TIAM2: variants seen among roughly 807,000 people sequenced by gnomAD.
TIAM2 encodes the protein TIAM Rac1 associated GEF 2.
A neutral mutation model predicts 152.9 loss-of-function variants in TIAM2; 80 were observed. That is an observed-to-expected ratio of 0.52 (90% confidence interval 0.44 to 0.63). The LOEUF (loss-of-function observed/expected upper bound fraction) is 0.63. Among genes scored for constraint, TIAM2 ranks in the 30% least tolerant of loss-of-function variants. The pLI, the probability that TIAM2 is intolerant of heterozygous loss-of-function variation, is 0.00. For synonymous variants in TIAM2, 804 were observed against 838.0 expected, an observed-to-expected ratio of 0.96 and a Z score of 0.70; for missense variants, 1,965 against 2,120.1, an observed-to-expected ratio of 0.93 and a Z score of 1.44.
intron 2 of TIAM2, among the ~76,000 whole-genome samples, chr6:155,116,601 T>C (rs1302265991): frequency 6.6e-6 from 1 of 152,176 alleles, no homozygotes; most frequent in Admixed American, 6.5e-5. Flanking sequence ...TTACAGAATG[T>C]GATTGGGGTT....
At chr6:155,167,400 T>G (rs1176933434) in intron 9 of TIAM2, among the ~76,000 whole-genome samples, 1 of 152,100 alleles carries the variant, frequency 6.6e-6, no homozygotes, top group East Asian at 1.9e-4. Context: ...TTTTATATTT[T>G]TAGTAGAGAC....
intron 1 of TIAM2, among the ~76,000 whole-genome samples, chr6:155,031,748 A>G (rs1408023497): frequency 6.6e-6 from 1 of 152,136 alleles, no homozygotes; most frequent in African/African-American, 2.4e-5. Flanking sequence ...AAATTGCAGA[A>G]CTTATATTTA....
intron 3 of TIAM2, 88 bp downstream of exon 3, chr6:155,127,688 C>T (rs1483785805): frequency 5.8e-5 from 25 of 430,022 alleles, no homozygotes; most frequent in African/African-American, 8.2e-5. Flanking sequence ...TTTGGGCTAG[C>T]GATTTTGGTT....
At chr6:155,010,043 G>C (rs1281714775) in intron 1 of TIAM2, among the ~76,000 whole-genome samples, 2 of 151,954 alleles carry the variant, frequency 1.3e-5, no homozygotes, top group African/African-American at 4.8e-5. Context: ...AGTAGAGATG[G>C]GGTTTTGGTC....
rs574110903 is a variant in TIAM2, at chr6:155,026,645, G to C, written c.-209+31153G>C. 3.7e-3 allele frequency among the ~76,000 whole-genome samples: 560 copies of C among 152,356 alleles called. 1 individual carries two copies. Among genetic ancestry groups the C allele is most frequent in the African/African-American group, 0.013 (525 of 41,586 alleles). Reference sequence around the variant, plus strand: ...TCATCCATGACTCACATGGCAGCCTGGGTGGCCCCTTGGCCCTGGTGCCAG... The same window carrying C: ...TCATCCATGACTCACATGGCAGCCTCGGTGGCCCCTTGGCCCTGGTGCCAG... On this transcript the variant is annotated intron_variant, in intron 1 of 26. Coordinates refer to ENST00000682666, the MANE Select transcript of TIAM2 (RefSeq NM_012454.4).
Position 155,245,714 on chromosome 6 carries a change from A to G in TIAM2, c.3635A>G (p.Gln1212Arg). 6.2e-7 allele frequency: 1 copy of G among 1,602,204 alleles called. No individual in the cohort carries two copies. The highest frequency in any genetic ancestry group is 8.5e-7 in the Non-Finnish European group (1 of 1,172,132). ...TTCTGTGCTAACCATATCAAAGTAC[A>G]GAAGGTTCTGGAGCGAGGTAAGTTG... ...SGFCANHIKV[Q>R]KVLERAKTDK... The change falls in exon 19 of 27, where the codon CAG becomes CGG. Residue 1212 changes from glutamine (Q) to arginine (R), a missense_variant. Physicochemically the swap from Gln to Arg is conservative, Grantham distance 43 (BLOSUM62 1). Around this residue, in one of 3 missense-constraint regions of TIAM2, gnomAD observed 935 missense variants for 980.0 expected, o/e 0.95. Transcript: ENST00000682666.
intron 2 of TIAM2, among the ~76,000 whole-genome samples, chr6:155,107,118 G>A (rs796582796): frequency 2.6e-5 from 4 of 151,902 alleles, no homozygotes; most frequent in African/African-American, 7.2e-5. Context: ...TCTTATTAAC[G>A]AACAGACCCC....
At chr6:155,039,171 G>T (rs888565205) in intron 1 of TIAM2, among the ~76,000 whole-genome samples, 2 of 151,574 alleles carry the variant, frequency 1.3e-5, no homozygotes, top group Non-Finnish European at 2.9e-5. Flanking sequence ...ATGTTGTCAA[G>T]GCTGGTCTTG....
At chr6:155,117,617 A>G (rs1779045996) in intron 2 of TIAM2, among the ~76,000 whole-genome samples, 1 of 152,038 alleles carries the variant, frequency 6.6e-6, no homozygotes, top group Non-Finnish European at 1.5e-5. Context: ...TAATTTTTGT[A>G]TTTATAGTAA....
Position 155,129,464 on chromosome 6 carries a change from C to G in TIAM2, c.241C>G (p.Pro81Ala), listed in dbSNP as rs1165867593. 1 of 1,613,928 alleles carries G rather than the reference C, an allele frequency of 6.2e-7. No individual in the cohort carries two copies. Among genetic ancestry groups the G allele is most frequent in the African/African-American group, 1.3e-5 (1 of 74,864 alleles). ...GCCTTACGCATCGAGACTCGGTGGCCCCACATGCAAGGTCTCCAGAGGTGT... is the reference window on the plus strand; with the variant it reads ...GCCTTACGCATCGAGACTCGGTGGCGCCACATGCAAGGTCTCCAGAGGTGT... ...NQPYASRLGG[P>A]TCKVSRGVAY... The change falls in exon 4 of 27, where the codon CCC (proline) becomes GCC (alanine). Residue 81 changes from proline to alanine, a missense_variant. Pro to Ala is a conservative substitution (Grantham distance 27, BLOSUM62 -1). Coordinates refer to ENST00000682666, the MANE Select transcript of TIAM2 (RefSeq NM_012454.4). The surrounding 1 kb of genome is among the most constrained non-coding windows in gnomAD (Gnocchi z 4.8).
chr6:155,083,229 A>T (rs1171734066), intron 1 of TIAM2, among the ~76,000 whole-genome samples: 1 of 151,770 alleles, frequency 6.6e-6, no homozygotes, highest in Non-Finnish European at 1.5e-5. Context: ...TGCACCTGTA[A>T]TGCCAGCTAC....
At chr6:155,093,627 GA>G (rs1430408318) in intron 2 of TIAM2, among the ~76,000 whole-genome samples, 1 of 152,208 alleles carries the variant, frequency 6.6e-6, no homozygotes, top group East Asian at 1.9e-4. Context: ...TAGAGCTGTG[GA>G]AAGATGAGAT....
chr6:155,088,979 C>T (rs1778235371), intron 1 of TIAM2, among the ~76,000 whole-genome samples: 1 of 151,974 alleles, frequency 6.6e-6, no homozygotes. Flanking sequence ...ATGGTTATTG[C>T]CATAAAACAG....
In TIAM2 at chr6:155,039,025, AT is replaced by A. The variant is rs1446344696; in HGVS notation, c.-209+43537del. On this transcript the variant is annotated intron_variant, in intron 1 of 26. Transcript: ENST00000682666. Reference sequence around the variant, plus strand: ...ACCCAGGCTAGAGTGTAGTGGCGTGATTTTGGCTCAATGCAGCCTCAACCTA... The same window carrying A: ...ACCCAGGCTAGAGTGTAGTGGCGTGATTTGGCTCAATGCAGCCTCAACCTA... Among the ~76,000 whole-genome samples, 7 of 119,786 alleles carry A rather than the reference AT, an allele frequency of 5.8e-5. No homozygotes were observed. In the Admixed American group the frequency reaches 7.8e-4, roughly 13 times the overall value. The allele number at this position is 119,786 out of a possible 152,430, so 78.6% of individuals were successfully genotyped here.
rs1215342591 is a variant in TIAM2, at chr6:155,028,271, AAT to A, written c.-209+32784_-209+32785del. 1.8e-5 allele frequency among the ~76,000 whole-genome samples: 2 copies of A among 113,362 alleles called. 1 individual carries two copies. Among genetic ancestry groups the A allele is most frequent in the Non-Finnish European group, 3.8e-5 (2 of 52,062 alleles). The allele number at this position is 113,362 out of a possible 152,430, so 74.4% of individuals were successfully genotyped here. On this transcript the variant is annotated intron_variant, in intron 1 of 26. Coordinates refer to ENST00000682666, the MANE Select transcript of TIAM2 (RefSeq NM_012454.4). ...ACTGTGTTACATATATACTACATATAATATATGTACTGTGTTACATATATACT... is the reference window on the plus strand; with the variant it reads ...ACTGTGTTACATATATACTACATATAATATGTACTGTGTTACATATATACT...
chr6:155,068,689 T>G (rs1178454183), intron 1 of TIAM2, among the ~76,000 whole-genome samples: 2 of 151,432 alleles, frequency 1.3e-5, no homozygotes, highest in Non-Finnish European at 2.9e-5. Context: ...ACTCCTGACC[T>G]CAGGTGATCC....
chr6:155,071,895 CAAAAAAA>C (rs374621162), intron 1 of TIAM2, among the ~76,000 whole-genome samples: 2 of 108,842 alleles, frequency 1.8e-5, no homozygotes, highest in East Asian at 2.7e-4. Flanking sequence ...AACTCTGTGT[CAAAAAAA>C]AAAAAAAAAA....
chr6:155,144,485 T>A lies in TIAM2; in HGVS notation c.1631-121T>A, dbSNP rs1045483808. 1.2e-5 allele frequency: 12 copies of A among 968,952 alleles called. No homozygotes were observed. In the East Asian group the frequency reaches 3.2e-4, roughly 26 times the overall value. The allele number at this position is 968,952 out of a possible 1,614,324, so 60.0% of individuals were successfully genotyped here. A position where few individuals can be genotyped will look rare whatever the true frequency, so the allele number is the denominator to read the frequency against. On this transcript the variant is annotated intron_variant, in intron 5 of 26. Transcript: ENST00000682666. ...AGATGCCACTTTTCCTTGTTTACCA[T>A]GTTTCTGTCACATGATTGTCTCACT...
chr6:155,119,051 T>G (rs1345505415), intron 2 of TIAM2, among the ~76,000 whole-genome samples: 30 of 152,148 alleles, frequency 2.0e-4, no homozygotes, highest in Non-Finnish European at 4.4e-5. Context: ...TCTTTTTTTT[T>G]TTTGACGGAG....
Sources: gnomAD v4.1 joint callset for allele counts (sites outside exome capture counted in the v4.1 genomes callset) on GRCh38, gnomAD v4.1.1 for gene constraint, gnomAD v4.1.1 regional missense constraint, Gnocchi (gnomAD v3.1) non-coding constraint, MANE v1.5 for transcripts, NCBI Gene and HGNC (gene_info 2026-07-23, HGNC 2026-07-21) for gene names.